Variants in NALF1 observed in about 807,000 individuals in gnomAD.
NALF1 encodes the protein NALCN channel auxiliary factor 1.
A neutral mutation model predicts 48.4 loss-of-function variants in NALF1; 3 were observed. The observed-to-expected ratio is 0.06, with a 90% CI of 0.03 to 0.16. The LOEUF is 0.16. Ranked by LOEUF, NALF1 falls within the 10% of genes least tolerant of loss-of-function variation. NALF1 has a pLI of 1.00. For missense variants in NALF1, 526 were observed against 571.5 expected (o/e 0.92, Z 0.81); for synonymous variants, 262 against 245.7 (o/e 1.07, Z -0.62).
intron 1 of NALF1, among the ~76,000 whole-genome samples, chr13:107,395,539 A>G (rs1883697977): frequency 6.6e-6 from 1 of 152,236 alleles, no homozygotes; most frequent in South Asian, 2.1e-4. Flanking sequence ...GTGGACTCAT[A>G]GGCGTGTCTG....
chr13:107,441,296 A>G (rs967669656), intron 1 of NALF1, among the ~76,000 whole-genome samples: 2 of 152,366 alleles, frequency 1.3e-5, no homozygotes, highest in South Asian at 2.1e-4. Context: ...ATGTAAGTCA[A>G]TAACTATGAA....
At chr13:107,263,515 A>G (rs1199763162) in intron 1 of NALF1, among the ~76,000 whole-genome samples, 1 of 152,082 alleles carries the variant, frequency 6.6e-6, no homozygotes, top group African/African-American at 2.4e-5. Context: ...TGTGGAAGAG[A>G]CCCAGTGGGA....
chr13:107,258,157 T>G (rs552666370), intron 1 of NALF1, among the ~76,000 whole-genome samples: 8 of 152,340 alleles, frequency 5.3e-5, no homozygotes, highest in Non-Finnish European at 2.9e-5. Context: ...AAGCAAATTT[T>G]GTTCTGACCT....
At chr13:107,531,432 C>A (rs749842614) in intron 1 of NALF1, among the ~76,000 whole-genome samples, 6 of 152,044 alleles carry the variant, frequency 3.9e-5, no homozygotes, top group Non-Finnish European at 7.4e-5. Flanking sequence ...CTCCTGAGGA[C>A]TCCCCAGAAG....
At chr13:107,495,813 T>A (rs532925399) in intron 1 of NALF1, among the ~76,000 whole-genome samples, 1 of 152,230 alleles carries the variant, frequency 6.6e-6, no homozygotes, top group Non-Finnish European at 1.5e-5. Flanking sequence ...AAGAAGGGTG[T>A]CCCTCACTAA....
chr13:107,271,810 A>ATTTATTTATT (rs1287963208), intron 1 of NALF1, among the ~76,000 whole-genome samples: 4 of 13,824 alleles, frequency 2.9e-4, no homozygotes, highest in African/African-American at 4.4e-4. Flanking sequence ...ATATATATAT[A>ATTTATTTATT]TATATATTTA....
intron 1 of NALF1, among the ~76,000 whole-genome samples, chr13:107,485,027 C>T (rs1885308077): frequency 6.6e-6 from 1 of 152,090 alleles, no homozygotes; most frequent in Non-Finnish European, 1.5e-5. Flanking sequence ...CCTCACAGGA[C>T]ATGATAGCCT....
chr13:107,322,890 T>C (rs115359492), intron 1 of NALF1, among the ~76,000 whole-genome samples: 260 of 152,228 alleles, frequency 1.7e-3, no homozygotes, highest in African/African-American at 5.7e-3. Context: ...CCAGATTCCA[T>C]AGAGTCAAGG....
intron 1 of NALF1, among the ~76,000 whole-genome samples, chr13:107,782,199 G>A (rs986460532): frequency 3.9e-5 from 6 of 152,308 alleles, no homozygotes; most frequent in African/African-American, 1.2e-4. Context: ...GATTGCAGGC[G>A]CGTGCCGCCA....
At chr13:107,707,345 A>G (rs1003573175) in intron 1 of NALF1, among the ~76,000 whole-genome samples, 15 of 152,312 alleles carry the variant, frequency 9.8e-5, no homozygotes, top group Middle Eastern at 3.4e-3. Context: ...TAAGTGGTAA[A>G]GGGATTTAAG....
At chr13:107,482,756 C>G (rs760211353) in intron 1 of NALF1, among the ~76,000 whole-genome samples, 1 of 152,158 alleles carries the variant, frequency 6.6e-6, no homozygotes, top group Non-Finnish European at 1.5e-5. Context: ...AGAAGGGAAA[C>G]TGTGAGGCTT....
At chr13:107,343,539 T>G (rs551361096) in intron 1 of NALF1, among the ~76,000 whole-genome samples, 28 of 152,334 alleles carry the variant, frequency 1.8e-4, no homozygotes, top group African/African-American at 6.5e-4. Flanking sequence ...CCTCCTTGCC[T>G]TCTGCCATGA....
At position 107,399,240 on chromosome 13, in the gene NALF1, G is replaced by A. The variant is rs140835289; in HGVS notation, c.916-188485C>T. Among the ~76,000 whole-genome samples, 479 of 152,226 alleles carry A rather than the reference G, an allele frequency of 3.1e-3. 4 individuals are homozygous for A. The highest frequency in any genetic ancestry group is 0.01 in the African/African-American group (428 of 41,532). ...GTTGTATACAAATTATATAACCTAA[G>A]ATAGAATGTATTATGCTCTGGGAAG... On this transcript the variant is annotated intron_variant, in intron 1 of 2. Coordinates refer to ENST00000375915, the MANE Select transcript of NALF1 (RefSeq NM_001080396.3).
chr13:107,459,898 C>T (rs1884889890), intron 1 of NALF1, among the ~76,000 whole-genome samples: 1 of 152,118 alleles, frequency 6.6e-6, no homozygotes, highest in South Asian at 2.1e-4. Flanking sequence ...TGTGCCACCA[C>T]ACCCAGCTAA....
chr13:107,440,100 T>G (rs1884531669), intron 1 of NALF1, among the ~76,000 whole-genome samples: 1 of 152,210 alleles, frequency 6.6e-6, no homozygotes, highest in Non-Finnish European at 1.5e-5. Context: ...AAACAAGACA[T>G]CCAAGGGATT....
At chr13:107,243,153 C>A (rs535197514) in intron 1 of NALF1, among the ~76,000 whole-genome samples, 2 of 152,144 alleles carry the variant, frequency 1.3e-5, no homozygotes, top group East Asian at 3.9e-4. Context: ...CTGACCTGAC[C>A]GCTGCCTGGG....
chr13:107,495,109 G>C (rs953145771), intron 1 of NALF1, among the ~76,000 whole-genome samples: 4 of 152,152 alleles, frequency 2.6e-5, no homozygotes, highest in African/African-American at 9.7e-5. Flanking sequence ...ACTAAGTTAA[G>C]TCACATTTCC....
At chr13:107,739,495 C>T (rs535672448) in intron 1 of NALF1, among the ~76,000 whole-genome samples, 1 of 150,698 alleles carries the variant, frequency 6.6e-6, no homozygotes, top group South Asian at 2.1e-4. Context: ...TTGATCTATA[C>T]ATTGAACAAA....
intron 1 of NALF1, among the ~76,000 whole-genome samples, chr13:107,801,933 A>G (rs1446418853): frequency 2.6e-5 from 4 of 152,144 alleles, no homozygotes; most frequent in Non-Finnish European, 4.4e-5. Context: ...TCTAAATTCT[A>G]TGACTGTCTG....
Sources: allele counts gnomAD v4.1 joint callset (sites outside exome capture counted in the v4.1 genomes callset), GRCh38; gene constraint gnomAD v4.1.1; transcripts MANE v1.5; gene names NCBI Gene and HGNC (gene_info 2026-07-23, HGNC 2026-07-21).